DCAF6: variants seen among roughly 807,000 people sequenced by gnomAD.
DCAF6 encodes the protein DDB1 and CUL4 associated factor 6.
Under a neutral mutation model 125.1 loss-of-function variants are expected in DCAF6, and 54 were observed. The ratio of observed to expected loss-of-function variants is 0.43; its 90% CI spans 0.35 to 0.54. The LOEUF is 0.54. Ranked by LOEUF, DCAF6 falls within the 20% of genes least tolerant of loss-of-function variation. DCAF6 has a pLI of 0.01. For missense variants in DCAF6, 934 were observed against 1,161.7 expected (o/e 0.80, Z 2.85); for synonymous variants, 371 against 390.4 (o/e 0.95, Z 0.58).
intron 3 of DCAF6, among the ~76,000 whole-genome samples, chr1:167,970,056 G>A (rs947854526): frequency 3.3e-5 from 5 of 152,204 alleles, no homozygotes; most frequent in African/African-American, 4.8e-5. Context: ...GGGATTACAG[G>A]CGTGAACCAT....
Position 168,004,715 on chromosome 1 carries a change from A to C in DCAF6, c.1300A>C (p.Thr434Pro), listed in dbSNP as rs760763828. 7 of 1,613,812 alleles carry C rather than the reference A, an allele frequency of 4.3e-6. No individual in the cohort carries two copies. The highest frequency in any genetic ancestry group is 3.3e-5 in the Admixed American group (2 of 59,966). Residue 434 changes from threonine (T) to proline (P), a missense_variant, in exon 10 of 22, where the codon ACT becomes CCT. By Grantham distance (38) the Thr-to-Pro change is conservative (BLOSUM62 -1). Transcript: ENST00000367840. ...TSSPTESPHS[T>P]PLLSSPDSEQ... ...ATCTCCCACAGAAAGCCCTCATTCT[A>C]CTCCTTTGCTATCTTCTCCAGACAG...
At chr1:168,067,435 A>G (rs1483081637) in intron 20 of DCAF6, among the ~76,000 whole-genome samples, 2 of 152,090 alleles carry the variant, frequency 1.3e-5, no homozygotes, top group African/African-American at 4.8e-5. Flanking sequence ...AATGGGGTAG[A>G]TAGGATGGAG....
At chr1:167,954,376 T>C (rs1674435348) in intron 2 of DCAF6, among the ~76,000 whole-genome samples, 1 of 152,360 alleles carries the variant, frequency 6.6e-6, no homozygotes, top group Admixed American at 6.5e-5. Context: ...TAATTACTTT[T>C]TGTTATTATA....
intron 1 of DCAF6, among the ~76,000 whole-genome samples, chr1:167,946,157 A>G (rs1342339557): frequency 1.3e-5 from 2 of 151,896 alleles, no homozygotes; most frequent in African/African-American, 4.8e-5. Flanking sequence ...GGGTTTCACC[A>G]TGTTGGCCAG....
upstream of DCAF6, chr1:167,935,965 T>C (rs9943195): frequency 1.5e-5 from 11 of 724,714 alleles, no homozygotes; most frequent in Middle Eastern, 3.8e-4. Flanking sequence ...TCGCCTGGAG[T>C]ACCCTTCCCG....
At chr1:168,011,441 A>T (rs1043794621) in intron 10 of DCAF6, among the ~76,000 whole-genome samples, 1 of 152,088 alleles carries the variant, frequency 6.6e-6, no homozygotes, top group Non-Finnish European at 1.5e-5. Flanking sequence ...ATAGCATATG[A>T]TGTGGTCTGT....
chr1:167,986,066 A>G (rs1679961449), intron 4 of DCAF6, among the ~76,000 whole-genome samples: 1 of 152,140 alleles, frequency 6.6e-6, no homozygotes, highest in Non-Finnish European at 1.5e-5. Context: ...ATTATTACTG[A>G]TGATTTAGTA....
chr1:168,016,161 A>G (rs1382829584), intron 11 of DCAF6, among the ~76,000 whole-genome samples: 2 of 152,248 alleles, frequency 1.3e-5, no homozygotes, highest in Non-Finnish European at 2.9e-5. Flanking sequence ...AATATAAAAT[A>G]ATCAATTTTA....
At chr1:167,924,651 C>T in the DCAF6 span, 1 of 706,518 alleles carries the variant, frequency 1.4e-6, no homozygotes, top group African/African-American at 1.8e-5. Context: ...TATTTTTAAC[C>T]ACTTTTACTA....
the DCAF6 span, among the ~76,000 whole-genome samples, chr1:167,892,826 G>A: frequency 6.6e-6 from 1 of 152,178 alleles, no homozygotes; most frequent in African/African-American, 2.4e-5. Context: ...CATATATTAG[G>A]AGGGTGGATA....
intron 4 of DCAF6, among the ~76,000 whole-genome samples, chr1:167,980,207 A>C (rs1418901159): frequency 6.6e-6 from 1 of 152,104 alleles, no homozygotes; most frequent in Non-Finnish European, 1.5e-5. Flanking sequence ...TAAGTAAATA[A>C]ATAAATTCAT....
rs1557914371 is a variant in DCAF6 at position 167,974,815 on chromosome 1, C to G, written c.253-15C>G. 1 of 1,481,862 alleles carries G rather than the reference C, an allele frequency of 6.7e-7. No individual in the cohort carries two copies. The highest frequency in any genetic ancestry group is 1.4e-5 in the African/African-American group (1 of 70,454). 91.8% of individuals were successfully genotyped at this position (1,481,862 alleles called of 1,614,324 possible). A position where few individuals can be genotyped will look rare whatever the true frequency, so the allele number is the denominator to read the frequency against. On this transcript the variant is annotated splice_polypyrimidine_tract_variant and intron_variant, in intron 3 of 21. Coordinates refer to ENST00000367840, the MANE Select transcript of DCAF6 (RefSeq NM_001198956.2). ...ATAATAAGTTACCATTAACTGCTTT[C>G]TTTGTGTGTTTTAGGTTTTGACAAC...
At chr1:167,951,944 A>T (rs1234378045) in intron 2 of DCAF6, 83 bp downstream of exon 2, 1 of 832,572 alleles carries the variant, frequency 1.2e-6, no homozygotes, top group East Asian at 2.5e-5. Flanking sequence ...ATCCTCCCAG[A>T]AAGGATTGTG....
intron 17 of DCAF6, chr1:168,056,208 C>T (rs1318189445): frequency 1.2e-6 from 2 of 1,612,330 alleles, no homozygotes; most frequent in Admixed American, 3.3e-5. Flanking sequence ...TGCAAAATTG[C>T]TGATTCCCAC....
At chr1:167,987,439 A>C in intron 4 of DCAF6, 56 bp from the exon 5 acceptor site, 2 of 857,312 alleles carry the variant, frequency 2.3e-6, no homozygotes, top group Non-Finnish European at 3.9e-6. Flanking sequence ...AATGTTTTTC[A>C]GAGCCGTCTG....
At chr1:167,870,110 A>C in the DCAF6 span, 3 of 858,766 alleles carry the variant, frequency 3.5e-6, no homozygotes, top group Non-Finnish European at 5.6e-6. Context: ...GTTTATTGTT[A>C]GTTATCTATT....
intron 12 of DCAF6, among the ~76,000 whole-genome samples, chr1:168,031,412 T>C (rs1210188523): frequency 2.0e-5 from 3 of 152,104 alleles, no homozygotes; most frequent in African/African-American, 7.2e-5. Context: ...TCCAAAAAAA[T>C]TATCCCCTAA....
In DCAF6 at chr1:167,936,865, C is replaced by CCAA; in HGVS notation, c.-46_-45insAAC. The CCAA allele has an allele frequency of 1.4e-6, 2 of 1,480,144 alleles. No homozygotes were observed. Among genetic ancestry groups the CCAA allele is most frequent in the South Asian group, 1.2e-5 (1 of 82,810 alleles). 91.7% of individuals were successfully genotyped at this position (1,480,144 alleles called of 1,614,324 possible). A position where few individuals can be genotyped will look rare whatever the true frequency, so the allele number is the denominator to read the frequency against. ...AACGGGTGTCCCCTCCCCCTCCTCC[C>CCAA]CTCCCCCACGCGGTGGTCTCCCCTC... On this transcript the variant is annotated 5_prime_UTR_variant, in exon 1 of 22. Coordinates refer to ENST00000367840, the MANE Select transcript of DCAF6 (RefSeq NM_001198956.2).
intron 1 of DCAF6, 115 bp from the exon 2 acceptor site, chr1:167,951,685 C>A: frequency 3.0e-6 from 2 of 662,748 alleles, no homozygotes; most frequent in Non-Finnish European, 5.2e-6. Flanking sequence ...AATGGTGGAG[C>A]TGAAATTAGA....
Sources: gnomAD v4.1 joint callset for allele counts (sites outside exome capture counted in the v4.1 genomes callset) on GRCh38, gnomAD v4.1.1 for gene constraint, MANE v1.5 for transcripts, NCBI Gene and HGNC (gene_info 2026-07-23, HGNC 2026-07-21) for gene names.